LHFPL3: variants seen among roughly 807,000 people sequenced by gnomAD.
LHFPL3 encodes LHFPL tetraspan subfamily member 3 protein.
A neutral mutation model predicts 19.3 loss-of-function variants in LHFPL3; 5 were observed. The ratio of observed to expected loss-of-function variants is 0.26; its 90% CI spans 0.14 to 0.54. LHFPL3 has a LOEUF of 0.54. LHFPL3 is among the 20% of genes least tolerant of loss of function. LHFPL3 has a pLI of 0.94. For synonymous variants in LHFPL3, 133 were observed against 126.2 expected, an observed-to-expected ratio of 1.05 and a Z score of -0.36; for missense variants, 249 against 307.4, an observed-to-expected ratio of 0.81 and a Z score of 1.42.
At chr7:104,562,516 C>T (rs1234203711) in intron 1 of LHFPL3, among the ~76,000 whole-genome samples, 10 of 152,264 alleles carry the variant, frequency 6.6e-5, no homozygotes, top group African/African-American at 2.2e-4. Flanking sequence ...GTTCTGGAGC[C>T]TTGGTTTTCA....
At chr7:104,701,289 A>G (rs561499505) in intron 1 of LHFPL3, among the ~76,000 whole-genome samples, 1 of 152,170 alleles carries the variant, frequency 6.6e-6, no homozygotes, top group Admixed American at 6.5e-5. Context: ...TGACCCTTGA[A>G]CAATGCAGGG....
At chr7:104,753,877 G>C (rs1794225971) in intron 2 of LHFPL3, among the ~76,000 whole-genome samples, 1 of 152,216 alleles carries the variant, frequency 6.6e-6, no homozygotes, top group Non-Finnish European at 1.5e-5. Flanking sequence ...GCAGAATTTA[G>C]ACAGGATCAT....
intron 1 of LHFPL3, among the ~76,000 whole-genome samples, chr7:104,735,303 C>T (rs896322501): frequency 2.6e-5 from 4 of 152,266 alleles, no homozygotes; most frequent in African/African-American, 9.6e-5. Context: ...TGGCTATGCC[C>T]TGCCCCCAGA....
intron 1 of LHFPL3, among the ~76,000 whole-genome samples, chr7:104,359,130 A>ACGCCTATGCTTCTT (rs1473239694): frequency 1.3e-5 from 2 of 152,202 alleles, no homozygotes; most frequent in Non-Finnish European, 2.9e-5. Context: ...CCTTCTATTT[A>ACGCCTATGCTTCTT]CGCCTATGCT....
rs1487063001 is a variant in LHFPL3, at chr7:104,582,641, T to A, written c.446-154034T>A. Among the ~76,000 whole-genome samples, 3 of 152,042 alleles carry A rather than the reference T, an allele frequency of 2.0e-5. No homozygotes were observed. The East Asian group carries it at 5.8e-4, about 29-fold the overall frequency. On this transcript the variant is annotated intron_variant, in intron 1 of 2. Coordinates refer to ENST00000424859, the MANE Select transcript of LHFPL3 (RefSeq NM_199000.3). Reference sequence around the variant, plus strand: ...CCTTTCTATTTCTGTTTTACTAGCATCTGTTTTGAATGGGTGTTGAATTTT... The same window carrying A: ...CCTTTCTATTTCTGTTTTACTAGCAACTGTTTTGAATGGGTGTTGAATTTT...
At chr7:104,771,292 T>C (rs1426504948) in intron 2 of LHFPL3, among the ~76,000 whole-genome samples, 4 of 152,322 alleles carry the variant, frequency 2.6e-5, no homozygotes, top group Non-Finnish European at 2.9e-5. Context: ...TGTTCAGATA[T>C]GTGTTTCATT....
intron 1 of LHFPL3, among the ~76,000 whole-genome samples, chr7:104,487,286 T>A (rs1793253586): frequency 1.3e-5 from 2 of 152,258 alleles, no homozygotes; most frequent in South Asian, 4.2e-4. Context: ...TATTAAACAT[T>A]GAAATAAAGG....
At chr7:104,619,734 G>A (rs542013013) in intron 1 of LHFPL3, among the ~76,000 whole-genome samples, 2 of 152,174 alleles carry the variant, frequency 1.3e-5, no homozygotes, top group South Asian at 4.2e-4. Flanking sequence ...TATTCCTCAA[G>A]GAGTTTATAG....
chr7:104,588,384 C>T (rs950253410), intron 1 of LHFPL3, among the ~76,000 whole-genome samples: 11 of 152,110 alleles, frequency 7.2e-5, no homozygotes, highest in Non-Finnish European at 1.3e-4. Flanking sequence ...ATCATTTCCC[C>T]GTTGCTTGTT....
At chr7:104,630,829 A>G (rs1272951957) in intron 1 of LHFPL3, among the ~76,000 whole-genome samples, 6 of 152,130 alleles carry the variant, frequency 3.9e-5, no homozygotes, top group Admixed American at 2.0e-4. Context: ...GAATATAAGA[A>G]TATCAGAAAT....
At chr7:104,772,576 A>G (rs538224310) in intron 2 of LHFPL3, among the ~76,000 whole-genome samples, 2 of 152,356 alleles carry the variant, frequency 1.3e-5, no homozygotes, top group Admixed American at 6.5e-5. Context: ...CCTCACCAGG[A>G]AAGGGCAGGC....
chr7:104,351,962 G>A (rs1232036876), intron 1 of LHFPL3, among the ~76,000 whole-genome samples: 20 of 152,048 alleles, frequency 1.3e-4, no homozygotes, highest in Admixed American at 1.3e-3. Context: ...GCTTTGGGAG[G>A]TCATAGCGGG....
intron 1 of LHFPL3, among the ~76,000 whole-genome samples, chr7:104,530,593 CTATT>C (rs1794277338): frequency 6.6e-6 from 1 of 152,280 alleles, no homozygotes; most frequent in East Asian, 1.9e-4. Context: ...AAGCTCATAA[CTATT>C]CATTCATTTC....
intron 1 of LHFPL3, among the ~76,000 whole-genome samples, chr7:104,445,141 A>G (rs1028844432): frequency 3.9e-5 from 6 of 152,188 alleles, no homozygotes; most frequent in Admixed American, 2.6e-4. Context: ...TATATTGGTC[A>G]TCTGGCTAAG....
chr7:104,515,775 G>A (rs1053434124), intron 1 of LHFPL3, among the ~76,000 whole-genome samples: 2 of 152,152 alleles, frequency 1.3e-5, no homozygotes, highest in African/African-American at 4.8e-5. Context: ...GGGTCTGTAG[G>A]TAGGGTGTGT....
intron 1 of LHFPL3, among the ~76,000 whole-genome samples, chr7:104,603,409 C>T (rs949170282): frequency 2.0e-5 from 3 of 152,000 alleles, no homozygotes; most frequent in Non-Finnish European, 2.9e-5. Flanking sequence ...CTGTGTTGCT[C>T]AGGCTGGGAT....
At chr7:104,830,158 G>A (rs1790922886) in intron 2 of LHFPL3, among the ~76,000 whole-genome samples, 1 of 151,858 alleles carries the variant, frequency 6.6e-6, no homozygotes, top group African/African-American at 2.4e-5. Context: ...CATATCCTTT[G>A]CCCACTTTTT....
intron 2 of LHFPL3, among the ~76,000 whole-genome samples, chr7:104,839,519 A>C (rs997192327): frequency 2.0e-5 from 3 of 152,208 alleles, no homozygotes; most frequent in Admixed American, 6.5e-5. Context: ...AATACAAAAA[A>C]TTAACCAGGC....
intron 1 of LHFPL3, among the ~76,000 whole-genome samples, chr7:104,515,610 T>A (rs1397773909): frequency 1.3e-5 from 2 of 152,190 alleles, no homozygotes; most frequent in African/African-American, 4.8e-5. Flanking sequence ...AGTTGATTAA[T>A]AGAATGACTG....
Sources: gnomAD v4.1 joint callset for allele counts (sites outside exome capture counted in the v4.1 genomes callset) on GRCh38, gnomAD v4.1.1 for gene constraint, MANE v1.5 for transcripts, NCBI Gene and HGNC (gene_info 2026-07-23, HGNC 2026-07-21) for gene names.